Variants in DIAPH3 observed in about 807,000 individuals in gnomAD.
DIAPH3 encodes protein diaphanous homolog 3.
Under a neutral mutation model 144.3 loss-of-function variants are expected in DIAPH3, and 117 were observed. The ratio of observed to expected loss-of-function variants is 0.81; its 90% CI spans 0.70 to 0.95. The LOEUF (loss-of-function observed/expected upper bound fraction) is 0.95, where lower values mean the gene tolerates loss of function less well. Ranked by LOEUF, DIAPH3 falls within the 40% of genes least tolerant of loss-of-function variation. The probability of loss-of-function intolerance (pLI) is 0.00; values close to 1 mark genes in which losing one functional copy is unlikely to be tolerated. For missense variants in DIAPH3, 1,421 were observed against 1,412.7 expected (o/e 1.01, Z -0.09); for synonymous variants, 519 against 488.9 (o/e 1.06, Z -0.81).
intron 21 of DIAPH3, among the ~76,000 whole-genome samples, chr13:59,875,408 A>T (rs761297496): frequency 2.6e-5 from 4 of 152,104 alleles, no homozygotes; most frequent in Non-Finnish European, 4.4e-5. Context: ...CATTACTGTG[A>T]CTGAAACGTA....
chr13:59,677,720 T>G (rs1244818472), intron 27 of DIAPH3, among the ~76,000 whole-genome samples: 1 of 152,206 alleles, frequency 6.6e-6, no homozygotes, highest in Non-Finnish European at 1.5e-5. Flanking sequence ...GAGTTGAATA[T>G]GTATATATTA....
chr13:59,881,548 C>A (rs1237149686), intron 20 of DIAPH3, among the ~76,000 whole-genome samples: 1 of 152,146 alleles, frequency 6.6e-6, no homozygotes, highest in Non-Finnish European at 1.5e-5. Flanking sequence ...TAAATGCCTA[C>A]ATTATACCAC....
chr13:59,919,412 A>C (rs1365732425), intron 18 of DIAPH3, among the ~76,000 whole-genome samples: 1 of 152,162 alleles, frequency 6.6e-6, no homozygotes. Context: ...AGAAAGCAAC[A>C]AGAGAAAATA....
At chr13:59,752,690 A>C (rs1200761985) in intron 27 of DIAPH3, among the ~76,000 whole-genome samples, 1 of 152,192 alleles carries the variant, frequency 6.6e-6, no homozygotes, top group Non-Finnish European at 1.5e-5. Flanking sequence ...TTAAAGCTTC[A>C]GTCTCTTTTA....
At chr13:60,154,149 C>T (rs1433002225) in intron 1 of DIAPH3, among the ~76,000 whole-genome samples, 1 of 152,058 alleles carries the variant, frequency 6.6e-6, no homozygotes, top group African/African-American at 2.4e-5. Flanking sequence ...TTCAAATATC[C>T]AATGTATTCC....
chr13:59,764,347 C>T (rs1185377056), intron 27 of DIAPH3, among the ~76,000 whole-genome samples: 3 of 151,494 alleles, frequency 2.0e-5, no homozygotes, highest in Non-Finnish European at 2.9e-5. Context: ...TTTTCCAGTC[C>T]CATTTTCAGC....
intron 25 of DIAPH3, among the ~76,000 whole-genome samples, chr13:59,776,308 G>C (rs571339502): frequency 3.9e-4 from 60 of 152,044 alleles, no homozygotes; most frequent in Non-Finnish European, 6.8e-4. Flanking sequence ...AAAAAAGGTG[G>C]GTGAGAAATA....
intron 20 of DIAPH3, among the ~76,000 whole-genome samples, chr13:59,905,342 CAAAAAAAAAAAAAAA>C (rs59114311): frequency 4.3e-5 from 3 of 69,754 alleles, no homozygotes; most frequent in Non-Finnish European, 7.2e-5. Flanking sequence ...GACTCTGTCT[CAAAAAAAAAAAAAAA>C]AAAAAAAAAA....
chr13:59,945,521 T>C (rs184305907), intron 17 of DIAPH3, among the ~76,000 whole-genome samples: 7 of 152,160 alleles, frequency 4.6e-5, no homozygotes, highest in African/African-American at 1.7e-4. Flanking sequence ...ACGAGAGCCC[T>C]GCTTACTGAT....
At chr13:59,777,647 C>G (rs59071570) in intron 25 of DIAPH3, among the ~76,000 whole-genome samples, 3,255 of 152,266 alleles carry the variant, frequency 0.021, 109 homozygotes, top group African/African-American at 0.074. Context: ...AAGTGATGCA[C>G]AACTTAACCT....
At chr13:59,802,661 A>ATT (rs200597459) in intron 25 of DIAPH3, among the ~76,000 whole-genome samples, 693 of 25,944 alleles carry the variant, frequency 0.027, 31 homozygotes, top group East Asian at 0.042. Flanking sequence ...TATTATTATT[A>ATT]TTATTATTTT....
intron 25 of DIAPH3, among the ~76,000 whole-genome samples, chr13:59,787,206 G>T (rs1020499617): frequency 3.3e-5 from 5 of 152,166 alleles, no homozygotes; most frequent in Admixed American, 2.6e-4. Flanking sequence ...ATCAGTAGAA[G>T]ATTAAAAAAA....
At chr13:59,944,070 T>A (rs1485108665) in intron 17 of DIAPH3, among the ~76,000 whole-genome samples, 1 of 151,936 alleles carries the variant, frequency 6.6e-6, no homozygotes, top group Admixed American at 6.6e-5. Context: ...TAAAATTAGC[T>A]GGGCATACTA....
intron 27 of DIAPH3, among the ~76,000 whole-genome samples, chr13:59,677,346 T>C (rs767577824): frequency 6.6e-6 from 1 of 151,712 alleles, no homozygotes; most frequent in Admixed American, 6.6e-5. Context: ...TACTGTCCAA[T>C]AGAAATTTAA....
chr13:59,953,172 G>C (rs1244265845), intron 17 of DIAPH3, among the ~76,000 whole-genome samples: 2 of 152,082 alleles, frequency 1.3e-5, no homozygotes, highest in Non-Finnish European at 2.9e-5. Context: ...GTGGTAAGGG[G>C]CTCATGGAGC....
intron 4 of DIAPH3, among the ~76,000 whole-genome samples, chr13:60,062,583 G>C (rs1334254647): frequency 6.6e-6 from 1 of 152,106 alleles, no homozygotes; most frequent in African/African-American, 2.4e-5. Flanking sequence ...CAGTAGAAAA[G>C]GTGAACATGT....
At chr13:60,073,186 G>A (rs2057272566) in intron 4 of DIAPH3, among the ~76,000 whole-genome samples, 1 of 151,988 alleles carries the variant, frequency 6.6e-6, no homozygotes, top group African/African-American at 2.4e-5. Flanking sequence ...GCAGGTGCCT[G>A]TAATCTCAGC....
At chr13:59,942,255 C>T (rs1386822756) in intron 17 of DIAPH3, among the ~76,000 whole-genome samples, 1 of 151,968 alleles carries the variant, frequency 6.6e-6, no homozygotes, top group East Asian at 1.9e-4. Context: ...TTAATGTAAC[C>T]CTGTGTATGT....
chr13:59,848,324 T>TTTTTTA (rs1555315118), intron 22 of DIAPH3, among the ~76,000 whole-genome samples: 4,656 of 149,036 alleles, frequency 0.031, 114 homozygotes, highest in Non-Finnish European at 0.046. Context: ...TTTTTTTTTT[T>TTTTTTA]AATTATTATA....
Sources: allele counts gnomAD v4.1 joint callset (sites outside exome capture counted in the v4.1 genomes callset), GRCh38; gene constraint gnomAD v4.1.1; transcripts MANE v1.5; gene names NCBI Gene and HGNC (gene_info 2026-07-23, HGNC 2026-07-21).